The following NOX4 variants were observed in gnomAD, a reference collection of about 807,000 sequenced individuals.
NOX4 encodes the protein kidney oxidase-1.
In NOX4, 69 loss-of-function variants were observed where a neutral mutation model predicts 87.6. That is an observed-to-expected ratio of 0.79 (90% CI 0.65 to 0.96). The LOEUF (loss-of-function observed/expected upper bound fraction) is 0.96, where lower values mean the gene tolerates loss of function less well. Ranked by LOEUF, NOX4 falls within the 40% of genes least tolerant of loss-of-function variation. The probability of loss-of-function intolerance (pLI) is 0.00; values close to 1 mark genes in which losing one functional copy is unlikely to be tolerated. For synonymous variants in NOX4, 275 were observed against 238.2 expected (o/e 1.15, Z -1.42); for missense variants, 680 against 681.5 (o/e 1.00, Z 0.02).
At chr11:89,399,575 T>C (rs888648266) in intron 11 of NOX4, among the ~76,000 whole-genome samples, 3 of 149,772 alleles carry the variant, frequency 2.0e-5, no homozygotes, top group Non-Finnish European at 3.0e-5. Context: ...GCAATCCTCC[T>C]GCCTCAGCCT....
chr11:89,371,486 A>C (rs1308510994), intron 12 of NOX4, among the ~76,000 whole-genome samples: 1 of 151,862 alleles, frequency 6.6e-6, no homozygotes, highest in Non-Finnish European at 1.5e-5. Flanking sequence ...TTGTGAAAAA[A>C]CTCAGTAACA....
chr11:89,369,313 G>A (rs1939258945), intron 12 of NOX4, among the ~76,000 whole-genome samples: 1 of 152,004 alleles, frequency 6.6e-6, no homozygotes, highest in African/African-American at 2.4e-5. Context: ...ATAGGGTATA[G>A]GTGAGGCTAC....
chr11:89,402,139 A>G (rs1384831404), intron 9 of NOX4, among the ~76,000 whole-genome samples, 187 bp downstream of exon 9: 1 of 152,136 alleles, frequency 6.6e-6, no homozygotes, highest in Non-Finnish European at 1.5e-5. Context: ...ATCCTCTAAT[A>G]TCATAGACCT....
Position 89,365,623 on chromosome 11 carries a change from A to T in NOX4, c.1135+7809T>A, listed in dbSNP as rs534741242. 2.0e-5 allele frequency among the ~76,000 whole-genome samples: 3 copies of T among 152,008 alleles called. No individual in the cohort carries two copies. The South Asian group carries it at 6.2e-4, about 32-fold the overall frequency. On this transcript the variant is annotated intron_variant, in intron 12 of 17. Transcript: ENST00000263317. ...TAACAATGTTGGCTTTCATCAAAAG[A>T]AACACCTCAGACTGATCAAGACTCA...
intron 11 of NOX4, among the ~76,000 whole-genome samples, chr11:89,382,297 C>T (rs564831641): frequency 1.3e-5 from 2 of 152,144 alleles, no homozygotes; most frequent in Middle Eastern, 3.2e-3. Context: ...CTTCAACTCA[C>T]ACCTGACCTA....
intron 6 of NOX4, among the ~76,000 whole-genome samples, chr11:89,440,156 T>G (rs1220558084): frequency 6.6e-6 from 1 of 152,118 alleles, no homozygotes; most frequent in Non-Finnish European, 1.5e-5. Context: ...ATTTTTACTC[T>G]CCATTTATTC....
intron 17 of NOX4, among the ~76,000 whole-genome samples, chr11:89,328,077 C>A: frequency 6.6e-6 from 1 of 152,082 alleles, no homozygotes. Flanking sequence ...GGTGACTACA[C>A]TGAGGAGACA....
chr11:89,585,379 C>A, the NOX4 span, among the ~76,000 whole-genome samples: 12 of 152,244 alleles, frequency 7.9e-5, 1 homozygote, highest in South Asian at 1.5e-3. Flanking sequence ...ACACAAAATT[C>A]TTTTCTAATT....
intron 13 of NOX4, among the ~76,000 whole-genome samples, chr11:89,342,761 C>A (rs947517293): frequency 2.0e-5 from 3 of 152,092 alleles, no homozygotes; most frequent in African/African-American, 7.2e-5. Context: ...AAAGGACAAT[C>A]ACAAAGGAAG....
At chr11:89,440,958 A>G (rs926346424) in intron 5 of NOX4, among the ~76,000 whole-genome samples, 62 of 152,152 alleles carry the variant, frequency 4.1e-4, no homozygotes, top group African/African-American at 1.5e-3. Context: ...GATGACTCAA[A>G]AGGCCCAGAA....
the NOX4 span, among the ~76,000 whole-genome samples, chr11:89,510,388 CA>C: frequency 1.3e-5 from 2 of 152,020 alleles, no homozygotes; most frequent in African/African-American, 4.8e-5. Context: ...ATGAAACTTA[CA>C]AAATACTCTT....
chr11:89,482,571 T>C (rs1946432926), intron 2 of NOX4, among the ~76,000 whole-genome samples: 1 of 152,038 alleles, frequency 6.6e-6, no homozygotes, highest in Non-Finnish European at 1.5e-5. Context: ...AAACCAACCC[T>C]GCTGACACCT....
Position 89,465,205 on chromosome 11 carries a change from A to G in NOX4, c.154-13310T>C, listed in dbSNP as rs566848804. Among the ~76,000 whole-genome samples, 129 of 151,622 alleles carry G rather than the reference A, an allele frequency of 8.5e-4. 1 individual carries two copies. The highest frequency in any genetic ancestry group is 2.9e-3 in the African/African-American group (119 of 41,322). On this transcript the variant is annotated intron_variant, in intron 2 of 17. Coordinates refer to ENST00000263317, the MANE Select transcript of NOX4 (RefSeq NM_016931.5). ...TATGTCCATGTGTTCTCATTGTTCAACTCCCATCTATGAGTGATAACATGC... is the reference window on the plus strand; with the variant it reads ...TATGTCCATGTGTTCTCATTGTTCAGCTCCCATCTATGAGTGATAACATGC...
chr11:89,355,509 G>T (rs1394710072), intron 12 of NOX4, among the ~76,000 whole-genome samples: 2 of 151,562 alleles, frequency 1.3e-5, no homozygotes, highest in East Asian at 3.9e-4. Flanking sequence ...ATCATTGAAA[G>T]GTTAGAGAAA....
intron 12 of NOX4, among the ~76,000 whole-genome samples, chr11:89,359,972 T>C (rs1195340869): frequency 1.3e-5 from 2 of 152,078 alleles, no homozygotes; most frequent in Admixed American, 1.3e-4. Flanking sequence ...TTTTTTTAAA[T>C]GGCATCAAAA....
intron 4 of NOX4, among the ~76,000 whole-genome samples, chr11:89,445,073 T>G (rs1189286473): frequency 6.6e-6 from 1 of 152,082 alleles, no homozygotes; most frequent in African/African-American, 2.4e-5. Context: ...GTATTGAAAA[T>G]ACAACAGGTA....
chr11:89,545,192 G>C, the NOX4 span: 2 of 152,222 alleles, frequency 1.3e-5, no homozygotes, highest in East Asian at 3.9e-4. Context: ...TCAGCAAAAG[G>C]TCATCTTATC....
At chr11:89,582,223 T>A in the NOX4 span, among the ~76,000 whole-genome samples, 3 of 152,094 alleles carry the variant, frequency 2.0e-5, no homozygotes, top group Admixed American at 6.6e-5. Flanking sequence ...ATATTCCATT[T>A]TATATATATA....
At chr11:89,416,388 T>G (rs1216069618) in intron 8 of NOX4, among the ~76,000 whole-genome samples, 1 of 152,200 alleles carries the variant, frequency 6.6e-6, no homozygotes, top group East Asian at 1.9e-4. Flanking sequence ...AGCTTTTCCC[T>G]CTGCCACATC....
Sources: gnomAD v4.1 joint callset for allele counts (sites outside exome capture counted in the v4.1 genomes callset) on GRCh38, gnomAD v4.1.1 for gene constraint, MANE v1.5 for transcripts, NCBI Gene and HGNC (gene_info 2026-07-23, HGNC 2026-07-21) for gene names.